CACNA1H: variants seen among roughly 807,000 people sequenced by gnomAD.
The protein encoded by CACNA1H is voltage-dependent T-type calcium channel subunit alpha-1H.
In CACNA1H, 149 loss-of-function variants were observed where a neutral mutation model predicts 192.5. That is an observed-to-expected ratio of 0.77 (90% CI 0.68 to 0.89). The LOEUF is 0.89. CACNA1H is among the 40% of genes least tolerant of loss of function. The pLI, the probability that CACNA1H is intolerant of heterozygous loss-of-function variation, is 0.00. For synonymous variants in CACNA1H, 2,202 were observed against 1,475.2 expected (o/e 1.49, Z -11.29); for missense variants, 4,257 against 3,423.5 (o/e 1.24, Z -6.08).
At position 1,209,028 on chromosome 16, in the gene CACNA1H, C is replaced by A; in HGVS notation, c.3364-4C>A. On this transcript the variant is annotated splice_region_variant and splice_polypyrimidine_tract_variant and intron_variant, in intron 16 of 34. Transcript: ENST00000348261. ...CCAGGTCACTGACTCCCGCCACCCCCCAGGCCAGCCTCCGAAGTTCTCCCT... is the reference window on the plus strand; with the variant it reads ...CCAGGTCACTGACTCCCGCCACCCCACAGGCCAGCCTCCGAAGTTCTCCCT... 3 of 1,501,160 alleles carry A rather than the reference C, an allele frequency of 2.0e-6. No homozygotes were observed. Among genetic ancestry groups the A allele is most frequent in the Non-Finnish European group, 2.6e-6 (3 of 1,133,076 alleles). The allele number at this position is 1,501,160 out of a possible 1,614,324, so 93.0% of individuals were successfully genotyped here.
intron 2 of CACNA1H, among the ~76,000 whole-genome samples, chr16:1,189,220 G>T (rs1388437616): frequency 3.3e-5 from 5 of 152,108 alleles, no homozygotes; most frequent in African/African-American, 4.8e-5. Context: ...AGCGTCCTGG[G>T]CGGGACTGGT....
chr16:1,215,185 C>T (rs749939074), intron 28 of CACNA1H, 57 bp from the exon 29 acceptor site: 70 of 1,580,178 alleles, frequency 4.4e-5, no homozygotes, highest in South Asian at 5.7e-5. Flanking sequence ...GCAGAAGCAA[C>T]GCTGCTGAGC....
chr16:1,208,099 G>C lies in CACNA1H; in HGVS notation c.3241G>C (p.Ala1081Pro), dbSNP rs1330404120. Residue 1081 changes from alanine to proline, a missense_variant, in exon 16 of 35, where the codon GCT (alanine) becomes CCT (proline). By Grantham distance (27) the Ala-to-Pro change is conservative (BLOSUM62 -1). Coordinates refer to ENST00000348261, the MANE Select transcript of CACNA1H (RefSeq NM_021098.3). ...SLSPPLIMCT[A>P]ATPMPTPKSS... The stretch of plus-strand genomic sequence containing the variant: ...GTCCCCTCCCCTCATCATGTGCACA[G>C]CTGCCACGCCCATGCCTACCCCCAA... The C allele has an allele frequency of 6.3e-7, 1 of 1,596,900 alleles. No homozygotes were observed. Among genetic ancestry groups the C allele is most frequent in the South Asian group, 1.1e-5 (1 of 87,976 alleles).
At chr16:1,154,994 G>A (rs1329421382) in intron 2 of CACNA1H, among the ~76,000 whole-genome samples, 6 of 152,184 alleles carry the variant, frequency 3.9e-5, no homozygotes, top group Admixed American at 3.3e-4. Context: ...GCCTGGGGAC[G>A]GGTGGAGAGA....
Position 1,200,400 on chromosome 16 carries a change from C to A in CACNA1H, c.948C>A (p.Thr316=), listed in dbSNP as rs1243283601. The A allele has an allele frequency of 6.2e-7, 1 of 1,607,952 alleles. No homozygotes were observed. Among genetic ancestry groups the A allele is most frequent in the African/African-American group, 1.3e-5 (1 of 74,962 alleles). Residue 316 remains threonine, a synonymous_variant, in exon 7 of 35, where the codon ACC becomes ACA. Transcript: ENST00000348261. ...PGRRELRMPC[T]LGWEAYTQPQ... ...GCCGCGAGCTGCGCATGCCCTGCAC[C>A]CTGGGCTGGGAGGCCTACACGCAGC... is the stretch of plus-strand genomic sequence containing the variant.
rs774980418 is a variant in CACNA1H, at chr16:1,209,427, C to T, written c.3744+15C>T. 1.2e-5 allele frequency: 19 copies of T among 1,592,854 alleles called. No individual in the cohort carries two copies. The South Asian group carries it at 2.0e-4, about 17-fold the overall frequency. On this transcript the variant is annotated intron_variant, in intron 17 of 34. Transcript: ENST00000348261. ...ACTCGGAGGACGTGAGTGCGTGGCC[C>T]TGGGCCCACCGCCGACTCGCCTTCG...
In CACNA1H at chr16:1,211,949, G is replaced by A. The variant is rs1405643951; in HGVS notation, c.4570G>A (p.Val1524Met). ...ACCCACCGCCTCTGTGCCACAGCCT[G>A]TGCAGAACCACAACCCCTGGATGCT... ...LDAVGVDQQPVQNHNPWMLLY... is the reference protein window; with the variant it reads ...LDAVGVDQQPMQNHNPWMLLY... The change falls in exon 25 of 35, where the codon GTG becomes ATG. Residue 1524 changes from valine (V) to methionine (M), a missense_variant. Coordinates refer to ENST00000348261, the MANE Select transcript of CACNA1H (RefSeq NM_021098.3). 3 of 1,613,380 alleles carry A rather than the reference G, an allele frequency of 1.9e-6. No homozygotes were observed. The highest frequency in any genetic ancestry group is 1.1e-5 in the South Asian group (1 of 91,080).
At chr16:1,184,281 G>C (rs962657140) in intron 2 of CACNA1H, among the ~76,000 whole-genome samples, 6 of 152,378 alleles carry the variant, frequency 3.9e-5, no homozygotes, top group Non-Finnish European at 8.8e-5. Flanking sequence ...CTGAGTCCTT[G>C]AAAGCTTTGG....
intron 2 of CACNA1H, among the ~76,000 whole-genome samples, chr16:1,192,143 C>T (rs1966679724): frequency 6.6e-6 from 1 of 152,226 alleles, no homozygotes; most frequent in South Asian, 2.1e-4. Context: ...AGCACCCCAT[C>T]CCCCACTAAA....
chr16:1,176,680 G>A (rs554417168), intron 2 of CACNA1H, among the ~76,000 whole-genome samples: 1 of 152,340 alleles, frequency 6.6e-6, no homozygotes, highest in South Asian at 2.1e-4. Flanking sequence ...GCTGATGGGG[G>A]TCCGGGGGCC....
chr16:1,215,253 TG>T lies in CACNA1H; in HGVS notation c.5053del (p.Asp1685ThrfsTer17). On this transcript the variant is annotated frameshift_variant, in exon 29 of 35. Coordinates refer to ENST00000348261, the MANE Select transcript of CACNA1H (RefSeq NM_021098.3). LOFTEE classifies it high-confidence loss of function. Reference protein sequence around the residue: ...RRFFKDRWNQLDLAIVLLSLM... With the variant: ...RRFFKDRWNQXDLAIVLLSLM... ...CTCCGGCCACACAGGTGGAACCAGC[TG>T]GACCTGGCCATCGTGCTGCTGTCAC... The T allele has an allele frequency of 6.2e-7, 1 of 1,604,708 alleles. No individual in the cohort carries two copies. Among genetic ancestry groups the T allele is most frequent in the Non-Finnish European group, 8.5e-7 (1 of 1,175,680 alleles).
chr16:1,212,701 TGTGCGTGCACGC>T (rs1336586870), intron 26 of CACNA1H, among the ~76,000 whole-genome samples, 173 bp downstream of exon 26: 3 of 152,150 alleles, frequency 2.0e-5, no homozygotes, highest in Non-Finnish European at 4.4e-5. Flanking sequence ...CGGGCTGCTG[TGTGCGTGCACGC>T]GTGCGGCTCT....
chr16:1,171,571 C>T (rs189747241), intron 2 of CACNA1H, among the ~76,000 whole-genome samples: 115 of 152,310 alleles, frequency 7.6e-4, no homozygotes, highest in Non-Finnish European at 1.2e-3. Context: ...CCTTGGCTGC[C>T]GCAGAAAACC....
Position 1,196,948 on chromosome 16 carries a change from C to T in CACNA1H, c.643+925C>T, listed in dbSNP as rs145353759. Among the ~76,000 whole-genome samples the T allele has an allele frequency of 5.4e-3, 822 of 152,226 alleles. 7 individuals are homozygous for T. The highest frequency in any genetic ancestry group is 0.019 in the African/African-American group (781 of 41,524). On this transcript the variant is annotated intron_variant, in intron 5 of 34. Transcript: ENST00000348261. ...GTGTAGATGTGGCCCCGTGTGTGCA[C>T]GTGCGGGTGTAACACAGCCTTTCTG...
At chr16:1,184,831 G>A (rs149834521) in intron 2 of CACNA1H, among the ~76,000 whole-genome samples, 2 of 152,250 alleles carry the variant, frequency 1.3e-5, no homozygotes, top group Non-Finnish European at 2.9e-5. Context: ...GCCATTTAAA[G>A]GCAAAGCTGG....
chr16:1,181,700 G>T (rs1488096182), intron 2 of CACNA1H, among the ~76,000 whole-genome samples: 1 of 152,122 alleles, frequency 6.6e-6, no homozygotes, highest in East Asian at 1.9e-4. Flanking sequence ...GTCCGCGTGT[G>T]CTCCAGCTCC....
intron 5 of CACNA1H, 34 bp from the exon 6 acceptor site, chr16:1,198,581 T>G: frequency 6.2e-7 from 1 of 1,609,138 alleles, no homozygotes; most frequent in Non-Finnish European, 8.5e-7. Context: ...CCTGCAGGGC[T>G]TAGCAGTGCC....
intron 11 of CACNA1H, 44 bp downstream of exon 11, chr16:1,205,309 C>T (rs1330581725): frequency 6.4e-7 from 1 of 1,559,558 alleles, no homozygotes; most frequent in Non-Finnish European, 8.7e-7. Context: ...CCGGGAAGCT[C>T]CACTCTCTGG....
intron 2 of CACNA1H, among the ~76,000 whole-genome samples, chr16:1,171,136 C>T (rs1964326959): frequency 1.3e-5 from 2 of 152,158 alleles, no homozygotes; most frequent in Admixed American, 6.5e-5. Flanking sequence ...TAGTGCCTTC[C>T]CACCCGCACC....
Sources: allele counts gnomAD v4.1 joint callset (sites outside exome capture counted in the v4.1 genomes callset), GRCh38; gene constraint gnomAD v4.1.1; transcripts MANE v1.5; gene names NCBI Gene and HGNC (gene_info 2026-07-23, HGNC 2026-07-21).